UBE2F: variants seen among roughly 807,000 people sequenced by gnomAD.
The protein encoded by UBE2F is ubiquitin conjugating enzyme E2 F (putative), also known as NEDD8-conjugating enzyme UBE2F.
In UBE2F, 5 loss-of-function variants were observed where a neutral mutation model predicts 29.6. The observed-to-expected ratio is 0.17, with a 90% CI of 0.09 to 0.36. The LOEUF (loss-of-function observed/expected upper bound fraction) is 0.36, where lower values mean the gene tolerates loss of function less well. Ranked by LOEUF, UBE2F falls within the 10% of genes least tolerant of loss-of-function variation. The probability of loss-of-function intolerance (pLI) is 1.00; values close to 1 mark genes in which losing one functional copy is unlikely to be tolerated. For missense variants in UBE2F, 141 were observed against 228.5 expected, an observed-to-expected ratio of 0.62 and a Z score of 2.47; for synonymous variants, 66 against 81.8, an observed-to-expected ratio of 0.81 and a Z score of 1.04.
At chr2:238,024,069 CAT>C (rs2064357110) in intron 5 of UBE2F, among the ~76,000 whole-genome samples, 2 of 152,172 alleles carry the variant, frequency 1.3e-5, no homozygotes, top group South Asian at 4.1e-4. Flanking sequence ...ATAACTAAAA[CAT>C]ATGTAGCACA....
At chr2:238,023,470 A>C (rs2064341388) in intron 5 of UBE2F, among the ~76,000 whole-genome samples, 1 of 152,236 alleles carries the variant, frequency 6.6e-6, no homozygotes, top group Non-Finnish European at 1.5e-5. Context: ...TAGTGTCGAA[A>C]AAGTATTTTT....
At chr2:237,970,776 A>G (rs1384925869) in intron 1 of UBE2F, among the ~76,000 whole-genome samples, 1 of 152,154 alleles carries the variant, frequency 6.6e-6, no homozygotes, top group African/African-American at 2.4e-5. Flanking sequence ...GTGCAATGGC[A>G]CAATCACTGC....
intron 5 of UBE2F, among the ~76,000 whole-genome samples, chr2:238,020,768 A>T (rs1443154043): frequency 6.6e-6 from 1 of 152,190 alleles, no homozygotes; most frequent in Non-Finnish European, 1.5e-5. Flanking sequence ...GTCAGTTTAG[A>T]AACTGTCCAA....
chr2:238,009,261 T>C (rs1436125703), intron 4 of UBE2F, among the ~76,000 whole-genome samples: 1 of 152,246 alleles, frequency 6.6e-6, no homozygotes, highest in South Asian at 2.1e-4. Flanking sequence ...CTGTGAGTTA[T>C]AGTTTTCATC....
At chr2:237,979,040 G>A (rs916797576) in intron 2 of UBE2F, among the ~76,000 whole-genome samples, 1 of 152,198 alleles carries the variant, frequency 6.6e-6, no homozygotes, top group Non-Finnish European at 1.5e-5. Context: ...CATACAGTTA[G>A]TGACCCCCAA....
chr2:237,969,951 C>T (rs2063140045), intron 1 of UBE2F, among the ~76,000 whole-genome samples: 1 of 152,194 alleles, frequency 6.6e-6, no homozygotes, highest in Admixed American at 6.5e-5. Context: ...AATGAAGAAA[C>T]TAATGTTGGT....
chr2:237,991,609 C>CTTTTTTTTTTTTTTTTTTTTTTT (rs774476848), intron 3 of UBE2F, among the ~76,000 whole-genome samples: 1 of 53,052 alleles, frequency 1.9e-5, no homozygotes, highest in African/African-American at 7.0e-5. Flanking sequence ...TTCTTTCTTT[C>CTTTTTTTTTTTTTTTTTTTTTTT]TTTTTTTTTT....
At chr2:237,985,224 T>A (rs1320516500) in intron 2 of UBE2F, among the ~76,000 whole-genome samples, 2 of 152,170 alleles carry the variant, frequency 1.3e-5, no homozygotes, top group African/African-American at 2.4e-5. Context: ...TTACCTTTTT[T>A]AAAATGGTAA....
chr2:238,023,829 A>G (rs1400735404), intron 5 of UBE2F, among the ~76,000 whole-genome samples: 1 of 152,154 alleles, frequency 6.6e-6, no homozygotes, highest in East Asian at 1.9e-4. Flanking sequence ...GCGGGGTGTC[A>G]CATCTTCTGA....
intron 2 of UBE2F, among the ~76,000 whole-genome samples, chr2:237,974,515 GT>G (rs1183199556): frequency 0.021 from 489 of 23,054 alleles, 1 homozygote; most frequent in African/African-American, 0.065. Flanking sequence ...TTTTTTTTTT[GT>G]TTTTTTTTTT....
In UBE2F at chr2:238,020,032, G is replaced by A. The variant is rs889292013; in HGVS notation, c.282+3399G>A. Among the ~76,000 whole-genome samples the A allele has an allele frequency of 2.6e-5, 4 of 152,180 alleles. No homozygotes were observed. In the East Asian group the frequency reaches 7.7e-4, roughly 29 times the overall value. On this transcript the variant is annotated intron_variant, in intron 5 of 9. Transcript: ENST00000272930. ...AGTGTGGGGCAACTTCTAGGGGCCAGCATATGTCACTGGTGTCCCCAGCAG... is the reference window on the plus strand; with the variant it reads ...AGTGTGGGGCAACTTCTAGGGGCCAACATATGTCACTGGTGTCCCCAGCAG...
At chr2:238,001,184 C>G (rs918048497) in intron 4 of UBE2F, among the ~76,000 whole-genome samples, 1 of 152,038 alleles carries the variant, frequency 6.6e-6, no homozygotes, top group East Asian at 1.9e-4. Flanking sequence ...CAGGCATGTG[C>G]CACCACGCCC....
At chr2:237,992,047 G>A (rs890113817) in intron 3 of UBE2F, among the ~76,000 whole-genome samples, 2 of 151,976 alleles carry the variant, frequency 1.3e-5, no homozygotes, top group African/African-American at 2.4e-5. Flanking sequence ...TGTATTTTTA[G>A]TAGAGAGGGG....
intron 4 of UBE2F, among the ~76,000 whole-genome samples, chr2:238,009,262 A>G (rs905651570): frequency 1.3e-5 from 2 of 152,194 alleles, no homozygotes; most frequent in Non-Finnish European, 2.9e-5. Context: ...TGTGAGTTAT[A>G]GTTTTCATCC....
rs564676515 is a variant in UBE2F at position 238,042,675 on chromosome 2, G to A, written c.*1337G>A. The A allele has an allele frequency of 1.3e-5, 2 of 152,344 alleles. No individual in the cohort carries two copies. Among genetic ancestry groups the A allele is most frequent in the South Asian group, 2.1e-4 (1 of 4,826 alleles). The allele number at this position is 152,344 out of a possible 1,614,324, so 9.4% of individuals were successfully genotyped here. A position where few individuals can be genotyped will look rare whatever the true frequency, so the allele number is the denominator to read the frequency against. ...GATTCCCCCATCTGCCATCTACTGG[G>A]TTTAGTTTGTTTTTCTTAATTTATA... On this transcript the variant is annotated 3_prime_UTR_variant, in exon 10 of 10. Coordinates refer to ENST00000272930, the MANE Select transcript of UBE2F (RefSeq NM_080678.3).
chr2:237,999,367 G>A (rs1212915513), intron 4 of UBE2F, among the ~76,000 whole-genome samples: 1 of 152,172 alleles, frequency 6.6e-6, no homozygotes, highest in Admixed American at 6.5e-5. Context: ...ACCACATGTG[G>A]CTGAAGTTTT....
In UBE2F at chr2:237,973,239, G is replaced by A. The variant is rs749859580; in HGVS notation, c.118+14G>A. 1.1e-5 allele frequency: 18 copies of A among 1,611,068 alleles called. No homozygotes were observed. Among genetic ancestry groups the A allele is most frequent in the Admixed American group, 3.3e-5 (2 of 59,938 alleles). On this transcript the variant is annotated intron_variant, in intron 2 of 9. Transcript: ENST00000272930. ...TGCTTGTTAAAGGTAATGATCATTC[G>A]TGTGAACTGTTTTTATATCCTATAA... is the stretch of plus-strand genomic sequence containing the variant.
At position 238,016,581 on chromosome 2, in the gene UBE2F, A is replaced by T; in HGVS notation, c.230A>T (p.Gln77Leu). The T allele has an allele frequency of 6.2e-7, 1 of 1,613,202 alleles. No individual in the cohort carries two copies. Among genetic ancestry groups the T allele is most frequent in the South Asian group, 1.1e-5 (1 of 90,906 alleles). ...TTTTTGATAGATGAGGGTTACTACC[A>T]GGGTGGAAAATTTCAGTTTGAAACT... is the stretch of plus-strand genomic sequence containing the variant. ...LTVTPDEGYY[Q>L]GGKFQFETEV... Residue 77 changes from glutamine to leucine, a missense_variant, in exon 5 of 10, where the codon CAG becomes CTG. Transcript: ENST00000272930.
At chr2:238,031,718 T>C (rs1403835056) in intron 7 of UBE2F, among the ~76,000 whole-genome samples, 1 of 152,262 alleles carries the variant, frequency 6.6e-6, no homozygotes, top group African/African-American at 2.4e-5. Flanking sequence ...CTCTGATCCT[T>C]GAATTGTGAA....
Sources: gnomAD v4.1 joint callset for allele counts (sites outside exome capture counted in the v4.1 genomes callset) on GRCh38, gnomAD v4.1.1 for gene constraint, MANE v1.5 for transcripts, NCBI Gene and HGNC (gene_info 2026-07-23, HGNC 2026-07-21) for gene names.